PLXNA4: variants seen among roughly 807,000 people sequenced by gnomAD.
The protein encoded by PLXNA4 is plexin A4.
PLXNA4 carries 44 observed loss-of-function variants against 191.8 expected under a neutral mutation model. That is an observed-to-expected ratio of 0.23 (90% CI 0.18 to 0.29). The LOEUF (loss-of-function observed/expected upper bound fraction) is 0.29. PLXNA4 is among the 10% of genes least tolerant of loss of function. PLXNA4 has a pLI of 1.00. For synonymous variants in PLXNA4, 1,082 were observed against 1,009.5 expected, an observed-to-expected ratio of 1.07 and a Z score of -1.36; for missense variants, 1,800 against 2,488.8, an observed-to-expected ratio of 0.72 and a Z score of 5.89.
chr7:132,169,998 G>A (rs17166211), intron 21 of PLXNA4, among the ~76,000 whole-genome samples: 3,165 of 152,052 alleles, frequency 0.021, 98 homozygotes, highest in African/African-American at 0.072. Context: ...TCGGAGTCAC[G>A]TCTTGAGGGC....
chr7:132,213,427 C>T (rs1454021984), intron 9 of PLXNA4, among the ~76,000 whole-genome samples: 2 of 152,174 alleles, frequency 1.3e-5, no homozygotes, highest in South Asian at 2.1e-4. Context: ...AGCAGGCAGG[C>T]GGGCCAGCAG....
chr7:132,482,756 G>A (rs551164897), intron 3 of PLXNA4, among the ~76,000 whole-genome samples: 7 of 150,454 alleles, frequency 4.7e-5, no homozygotes, highest in African/African-American at 7.3e-5. Context: ...GCAATGGTGC[G>A]ATCTCAGCTC....
chr7:132,240,230 A>G (rs1327098455), intron 5 of PLXNA4, among the ~76,000 whole-genome samples: 1 of 152,238 alleles, frequency 6.6e-6, no homozygotes, highest in Admixed American at 6.5e-5. Flanking sequence ...ATCAAATTTC[A>G]TCAGAGTGAG....
chr7:132,178,467 G>A (rs1397345332), intron 20 of PLXNA4, among the ~76,000 whole-genome samples: 1 of 152,180 alleles, frequency 6.6e-6, no homozygotes, highest in African/African-American at 2.4e-5. Flanking sequence ...AACATTCAAA[G>A]CTGTGTGCCT....
chr7:132,136,563 T>C (rs1430261650), intron 30 of PLXNA4, among the ~76,000 whole-genome samples: 1 of 152,128 alleles, frequency 6.6e-6, no homozygotes, highest in African/African-American at 2.4e-5. Flanking sequence ...GGAGCAGCCA[T>C]AAAGATCAGC....
intron 3 of PLXNA4, among the ~76,000 whole-genome samples, chr7:132,369,188 C>T (rs948502705): frequency 5.3e-5 from 8 of 152,314 alleles, no homozygotes; most frequent in Non-Finnish European, 1.0e-4. Context: ...CTCTTCCCCT[C>T]GGGCAAAATC....
Position 132,242,151 on chromosome 7 carries a change from A to ATT in PLXNA4, c.1504-987_1504-986dup, listed in dbSNP as rs397890019. Among the ~76,000 whole-genome samples, 5 of 148,166 alleles carry ATT rather than the reference A, an allele frequency of 3.4e-5. No individual in the cohort carries two copies. The East Asian group carries it at 5.9e-4, about 17-fold the overall frequency. Reference sequence around the variant, plus strand: ...GCCGGTTTTTTTCTTTACAAAAAGTATTTTTTTTTTTTTAATTTTACATCA... The same window carrying ATT: ...GCCGGTTTTTTTCTTTACAAAAAGTATTTTTTTTTTTTTTTAATTTTACATCA... On this transcript the variant is annotated intron_variant, in intron 4 of 31. Coordinates refer to ENST00000321063, the MANE Select transcript of PLXNA4 (RefSeq NM_020911.2).
chr7:132,409,821 C>A (rs182673150), intron 3 of PLXNA4, among the ~76,000 whole-genome samples: 6 of 152,288 alleles, frequency 3.9e-5, no homozygotes, highest in Admixed American at 2.0e-4. Context: ...CGGATACCTC[C>A]CCTGTAGTCC....
intron 2 of PLXNA4, among the ~76,000 whole-genome samples, chr7:132,642,356 C>T (rs1803760517): frequency 6.6e-6 from 1 of 152,032 alleles, no homozygotes; most frequent in Non-Finnish European, 1.5e-5. Flanking sequence ...TAACAGCATA[C>T]AAACCTTAGG....
chr7:132,220,866 G>A (rs7778640), intron 9 of PLXNA4, among the ~76,000 whole-genome samples: 62,805 of 141,796 alleles, frequency 0.44, 14,238 homozygotes, highest in South Asian at 0.61. Flanking sequence ...AGGCTAGAGT[G>A]TAGTGGCTTG....
At chr7:132,593,906 G>A (rs1232507529) in intron 2 of PLXNA4, among the ~76,000 whole-genome samples, 3 of 152,198 alleles carry the variant, frequency 2.0e-5, no homozygotes, top group South Asian at 2.1e-4. Flanking sequence ...AGTGTGCCTG[G>A]GCATCCTTGT....
intron 6 of PLXNA4, 135 bp from the exon 7 acceptor site, chr7:132,227,739 T>G: frequency 1.7e-6 from 2 of 1,149,376 alleles, no homozygotes; most frequent in Non-Finnish European, 2.5e-6. Flanking sequence ...AATATTAACA[T>G]GGAGAAGAGA....
chr7:132,648,542 T>G (rs1803929926), exon 1 of PLXNA4: 1 of 152,182 alleles, frequency 6.6e-6, no homozygotes, highest in African/African-American at 2.4e-5. Context: ...GCAGAAGCAT[T>G]CAAGGTTTCA....
chr7:132,461,418 T>C (rs1796497459), intron 3 of PLXNA4, among the ~76,000 whole-genome samples: 1 of 152,116 alleles, frequency 6.6e-6, no homozygotes. Context: ...AAATAAGATC[T>C]GGACCACAAA....
intron 3 of PLXNA4, among the ~76,000 whole-genome samples, chr7:132,328,495 C>T (rs958856848): frequency 3.9e-5 from 6 of 152,206 alleles, no homozygotes; most frequent in Admixed American, 2.0e-4. Context: ...TGCCCCACAC[C>T]TCCACCACCT....
At chr7:132,351,162 G>T (rs1803469430) in intron 3 of PLXNA4, among the ~76,000 whole-genome samples, 1 of 152,334 alleles carries the variant, frequency 6.6e-6, no homozygotes, top group Non-Finnish European at 1.5e-5. Context: ...ATGGCTAAGG[G>T]ATTTGAGCTG....
chr7:132,414,657 T>A (rs1444024729), intron 3 of PLXNA4, among the ~76,000 whole-genome samples: 8 of 152,106 alleles, frequency 5.3e-5, no homozygotes, highest in Admixed American at 5.2e-4. Flanking sequence ...CTCCACTGAT[T>A]ATGAGGGTGG....
chr7:132,239,099 C>T (rs1798797037), intron 5 of PLXNA4, among the ~76,000 whole-genome samples: 1 of 152,240 alleles, frequency 6.6e-6, no homozygotes, highest in African/African-American at 2.4e-5. Context: ...CTGGCTTCCC[C>T]GTGCAGGCTG....
intron 1 of PLXNA4, among the ~76,000 whole-genome samples, chr7:132,557,840 G>A (rs1202735436): frequency 1.3e-5 from 2 of 152,138 alleles, no homozygotes; most frequent in East Asian, 1.9e-4. Context: ...CTGTAGATCC[G>A]CAGCTGTTTC....
Sources: allele counts gnomAD v4.1 joint callset (sites outside exome capture counted in the v4.1 genomes callset), GRCh38; gene constraint gnomAD v4.1.1; transcripts MANE v1.5; gene names NCBI Gene and HGNC (gene_info 2026-07-23, HGNC 2026-07-21).